The following RNF38 variants were observed in gnomAD, a reference collection of about 807,000 sequenced individuals.
RNF38 encodes ring finger protein 38.
RNF38 carries 15 observed loss-of-function variants against 67.2 expected under a neutral mutation model. The ratio of observed to expected loss-of-function variants is 0.22; its 90% CI spans 0.15 to 0.34. The LOEUF (loss-of-function observed/expected upper bound fraction) is 0.34. RNF38 is among the 10% of genes least tolerant of loss of function. The pLI is 1.00. For missense variants in RNF38, 524 were observed against 639.9 expected (o/e 0.82, Z 1.95); for synonymous variants, 220 against 218.8 (o/e 1.01, Z -0.05).
rs763565457 is a variant in RNF38, at chr9:36,420,405, AC to A, written n.312+4207del. Among the ~76,000 whole-genome samples the A allele has an allele frequency of 2.6e-5, 4 of 151,800 alleles. No homozygotes were observed. In the East Asian group the frequency reaches 5.8e-4, roughly 22 times the overall value. On this transcript the variant is annotated intron_variant and non_coding_transcript_variant, in intron 2 of 3. Coordinates refer to the RNF38 transcript ENST00000488058. ...AAATTAGCCAGGCGTGGTGACAGGC[AC>A]CTGTAGTCCCAGCTACTAGGGAGGC...
At chr9:36,388,540 C>CACTGTT (rs1041490472) in intron 2 of RNF38, among the ~76,000 whole-genome samples, 23 of 151,880 alleles carry the variant, frequency 1.5e-4, no homozygotes, top group African/African-American at 5.3e-4. Flanking sequence ...GTGGTAGAAA[C>CACTGTT]AACAGTAAGA....
intron 11 of RNF38, among the ~76,000 whole-genome samples, chr9:36,341,269 A>G (rs1032757845): frequency 2.0e-5 from 3 of 152,140 alleles, no homozygotes; most frequent in African/African-American, 7.2e-5. Flanking sequence ...ATTTACACAT[A>G]TAATGCTTTC....
intron 8 of RNF38, 53 bp from the exon 9 acceptor site, chr9:36,351,252 G>T: frequency 3.2e-6 from 4 of 1,256,524 alleles, no homozygotes; most frequent in South Asian, 1.3e-5. Flanking sequence ...TTAAATCAAT[G>T]AACAGGACAG....
chr9:36,443,422 AGAGT>A (rs1424782422), intron 1 of RNF38, among the ~76,000 whole-genome samples: 2 of 152,238 alleles, frequency 1.3e-5, no homozygotes, highest in African/African-American at 4.8e-5. Context: ...GAAAGTTGCA[AGAGT>A]GAGAAAAATA....
intron 1 of RNF38, among the ~76,000 whole-genome samples, chr9:36,469,792 A>G (rs145482929): frequency 0.05 from 7,649 of 152,204 alleles, 596 homozygotes; most frequent in African/African-American, 0.17. Context: ...CCTGGCCAAC[A>G]TGGCGAAAAC....
intron 4 of RNF38, among the ~76,000 whole-genome samples, chr9:36,366,785 T>C (rs770236850): frequency 1.6e-4 from 24 of 152,260 alleles, no homozygotes; most frequent in Non-Finnish European, 2.8e-4. Flanking sequence ...TCTGTTTCTA[T>C]TGGTTTTCAA....
At chr9:36,472,384 C>A (rs1267149151) in intron 1 of RNF38, among the ~76,000 whole-genome samples, 2 of 152,192 alleles carry the variant, frequency 1.3e-5, no homozygotes, top group Non-Finnish European at 2.9e-5. Flanking sequence ...GCTTCTCTAA[C>A]CCATAGCCCA....
intron 2 of RNF38, among the ~76,000 whole-genome samples, chr9:36,387,942 C>G (rs1480254090): frequency 6.6e-6 from 1 of 151,798 alleles, no homozygotes; most frequent in African/African-American, 2.4e-5. Flanking sequence ...AGGAGACAAG[C>G]TGCAGTATAG....
intron 1 of RNF38, among the ~76,000 whole-genome samples, chr9:36,425,894 C>T (rs1394176949): frequency 6.6e-6 from 1 of 152,188 alleles, no homozygotes; most frequent in Non-Finnish European, 1.5e-5. Flanking sequence ...GACGGGGTTT[C>T]GCCATGTTGG....
Position 36,356,487 on chromosome 9 carries a change from C to G in RNF38, c.739-14G>C. 6.5e-7 allele frequency: 1 copy of G among 1,539,170 alleles called. No individual in the cohort carries two copies. Among genetic ancestry groups the G allele is most frequent in the South Asian group, 1.2e-5 (1 of 80,242 alleles). On this transcript the variant is annotated splice_polypyrimidine_tract_variant and intron_variant, in intron 5 of 11. Coordinates refer to ENST00000259605, the MANE Select transcript of RNF38 (RefSeq NM_022781.5). Reference sequence around the variant, plus strand: ...TGCCTGAAGCATCTGTAAGAGAAACCATTACAGTTTGGTTAAAAATATCAG... The same window carrying G: ...TGCCTGAAGCATCTGTAAGAGAAACGATTACAGTTTGGTTAAAAATATCAG...
Position 36,342,438 on chromosome 9 carries a change from A to G in RNF38, c.1386-14T>C, listed in dbSNP as rs1303709550. 6.5e-7 allele frequency: 1 copy of G among 1,546,688 alleles called. No individual in the cohort carries two copies. Among genetic ancestry groups the G allele is most frequent in the South Asian group, 1.1e-5 (1 of 89,764 alleles). On this transcript the variant is annotated splice_polypyrimidine_tract_variant and intron_variant, in intron 10 of 11. Coordinates refer to ENST00000259605, the MANE Select transcript of RNF38 (RefSeq NM_022781.5). ...CATACTACACACCTAAAAAAAGCAA[A>G]AAGATCATTTAACCACAAAACCAGA...
chr9:36,399,567 T>C (rs1837838713), intron 1 of RNF38, among the ~76,000 whole-genome samples: 1 of 150,608 alleles, frequency 6.6e-6, no homozygotes, highest in Admixed American at 6.6e-5. Context: ...GAAAGGAGTA[T>C]CTGAAGTGAC....
At chr9:36,456,857 G>A (rs965484771) in intron 1 of RNF38, among the ~76,000 whole-genome samples, 8 of 152,090 alleles carry the variant, frequency 5.3e-5, no homozygotes, top group African/African-American at 1.9e-4. Context: ...AGAATTATAA[G>A]ATATGAGAAC....
chr9:36,376,265 C>G, intron 2 of RNF38, 138 bp from the exon 3 acceptor site: 1 of 620,164 alleles, frequency 1.6e-6, no homozygotes, highest in Non-Finnish European at 2.6e-6. Flanking sequence ...GCTATCAATT[C>G]AAATTTAAAA....
intron 4 of RNF38, among the ~76,000 whole-genome samples, chr9:36,366,870 A>G (rs1411101455): frequency 6.6e-6 from 1 of 152,168 alleles, no homozygotes; most frequent in Non-Finnish European, 1.5e-5. Context: ...TATTGGGGGA[A>G]CTGAGAACCA....
intron 1 of RNF38, among the ~76,000 whole-genome samples, chr9:36,393,433 G>A (rs114187408): frequency 1.5e-4 from 22 of 150,272 alleles, no homozygotes; most frequent in Admixed American, 6.6e-4. Context: ...ATTAAAATGA[G>A]GTACAATTTT....
intron 9 of RNF38, among the ~76,000 whole-genome samples, chr9:36,346,272 C>A (rs1250228164): frequency 1.3e-5 from 2 of 152,264 alleles, no homozygotes; most frequent in East Asian, 1.9e-4. Flanking sequence ...ATGGCATGAT[C>A]TTGGTTAACT....
At chr9:36,480,714 G>C (rs71531226) in intron 1 of RNF38, among the ~76,000 whole-genome samples, 25,668 of 151,502 alleles carry the variant, frequency 0.17, 2,586 homozygotes, top group East Asian at 0.27. Flanking sequence ...ACCACACCCA[G>C]CTAATTTTTG....
At chr9:36,418,108 C>A (rs912531076) in intron 2 of RNF38, among the ~76,000 whole-genome samples, 1 of 149,942 alleles carries the variant, frequency 6.7e-6, no homozygotes, top group African/African-American at 2.5e-5. Context: ...AATGCAGTGG[C>A]TTGATCTCCA....
Sources: gnomAD v4.1 joint callset for allele counts (sites outside exome capture counted in the v4.1 genomes callset) on GRCh38, gnomAD v4.1.1 for gene constraint, MANE v1.5 for transcripts, NCBI Gene and HGNC (gene_info 2026-07-23, HGNC 2026-07-21) for gene names.